The following WDR72 variants were observed in gnomAD, a reference collection of about 807,000 sequenced individuals.
WDR72 encodes the protein WD repeat domain 72.
WDR72 carries 120 observed loss-of-function variants against 124.2 expected under a neutral mutation model. The observed-to-expected ratio is 0.97, with a 90% CI of 0.83 to 1.12. The LOEUF is 1.12. WDR72 is among the 50% of genes most tolerant of loss of function. The pLI, the probability that WDR72 is intolerant of heterozygous loss-of-function variation, is 0.00. For synonymous variants in WDR72, 452 were observed against 441.7 expected, an observed-to-expected ratio of 1.02 and a Z score of -0.29; for missense variants, 1,387 against 1,278.8, an observed-to-expected ratio of 1.08 and a Z score of -1.29.
At chr15:53,641,610 G>A (rs529029893) in intron 14 of WDR72, among the ~76,000 whole-genome samples, 1 of 151,828 alleles carries the variant, frequency 6.6e-6, no homozygotes, top group African/African-American at 2.4e-5. Context: ...CTTGCTCTCT[G>A]GGACTATATC....
At chr15:53,684,931 C>CT (rs1429459246) in intron 13 of WDR72, among the ~76,000 whole-genome samples, 1 of 152,074 alleles carries the variant, frequency 6.6e-6, no homozygotes, top group African/African-American at 2.4e-5. Flanking sequence ...AACTGGGAGG[C>CT]ACCCCCCTAG....
At chr15:53,608,742 C>A (rs372524343) in intron 17 of WDR72, among the ~76,000 whole-genome samples, 2 of 87,964 alleles carry the variant, frequency 2.3e-5, no homozygotes, top group African/African-American at 8.1e-5. Context: ...GGTGACAGAG[C>A]GAGATCCTTT....
At chr15:53,683,407 G>T (rs1402170421) in intron 13 of WDR72, among the ~76,000 whole-genome samples, 1 of 152,068 alleles carries the variant, frequency 6.6e-6, no homozygotes, top group African/African-American at 2.4e-5. Flanking sequence ...ACCCTAACCT[G>T]ATCATTACAT....
Position 53,645,779 on chromosome 15 carries a change from C to A in WDR72, c.1962+19793G>T, listed in dbSNP as rs367858440. On this transcript the variant is annotated intron_variant, in intron 14 of 19. Coordinates refer to ENST00000360509, the MANE Select transcript of WDR72 (RefSeq NM_182758.4). ...AATGATTAAGCATCAGCTTTATATT[C>A]TTTAACCCATTTGTGTTAGTATGTC... 4.6e-5 allele frequency among the ~76,000 whole-genome samples: 7 copies of A among 152,194 alleles called. 1 individual carries two copies. The highest frequency in any genetic ancestry group is 1.4e-4 in the African/African-American group (6 of 41,556).
chr15:53,711,351 T>C lies in WDR72; in HGVS notation c.842A>G (p.Tyr281Cys), dbSNP rs1170825175. 3 of 1,614,064 alleles carry C rather than the reference T, an allele frequency of 1.9e-6. No homozygotes were observed. The African/African-American group carries it at 4.0e-5, about 22-fold the overall frequency. Reference sequence around the variant, plus strand: ...CTGAGCCCACCTGTTCAGCAGCTGATAGATGTAACTGTGACCATCTTCTGT... The same window carrying C: ...CTGAGCCCACCTGTTCAGCAGCTGACAGATGTAACTGTGACCATCTTCTGT... ...IWTEDGHSYI[Y>C]QLLNSGLSKS... Residue 281 changes from tyrosine (Y) to cysteine (C), a missense_variant, in exon 8 of 20, where the codon TAT (tyrosine) becomes TGT (cysteine). Transcript: ENST00000360509.
At chr15:53,636,066 C>T (rs796464215) in intron 14 of WDR72, among the ~76,000 whole-genome samples, 57 of 152,302 alleles carry the variant, frequency 3.7e-4, no homozygotes, top group African/African-American at 1.2e-3. Flanking sequence ...TGCTTCAGTG[C>T]ATCCACTGAT....
rs773526326 is a variant in WDR72, at chr15:53,613,734, T to C, written c.2804A>G (p.His935Arg). 2 of 1,608,854 alleles carry C rather than the reference T, an allele frequency of 1.2e-6. No homozygotes were observed. Among genetic ancestry groups the C allele is most frequent in the Non-Finnish European group, 1.7e-6 (2 of 1,176,330 alleles). The change falls in exon 16 of 20, where the codon CAT becomes CGT. Residue 935 changes from histidine to arginine, a missense_variant. By Grantham distance (29) the His-to-Arg change is conservative. Coordinates refer to ENST00000360509, the MANE Select transcript of WDR72 (RefSeq NM_182758.4). The stretch of plus-strand genomic sequence containing the variant: ...ATTCCCAGCACCTCTCATCTTATTA[T>C]GTATACTTTCCATTCTGAAAGAACT... Reference protein sequence around the residue: ...VGSSFRMESIHNKMRGAGNDI... With the variant: ...VGSSFRMESIRNKMRGAGNDI...
intron 15 of WDR72, among the ~76,000 whole-genome samples, chr15:53,614,301 C>T (rs1162331825): frequency 6.6e-6 from 1 of 152,038 alleles, no homozygotes; most frequent in Non-Finnish European, 1.5e-5. Context: ...ATTTCTCAAC[C>T]TTCACAACCA....
At chr15:53,751,500 T>C (rs757051729) in intron 1 of WDR72, among the ~76,000 whole-genome samples, 4 of 152,180 alleles carry the variant, frequency 2.6e-5, no homozygotes, top group African/African-American at 7.2e-5. Flanking sequence ...GATATTATAT[T>C]ATCGTATACT....
Position 53,556,855 on chromosome 15 carries a change from G to T in WDR72, c.3149-33533C>A, listed in dbSNP as rs531394119. On this transcript the variant is annotated intron_variant, in intron 18 of 19. Coordinates refer to ENST00000360509, the MANE Select transcript of WDR72 (RefSeq NM_182758.4). ...GCGCATGCTGAGTACATGTGGAAAG[G>T]TTACACACTCACTAATGTTATATAA... Among the ~76,000 whole-genome samples, 149 of 151,928 alleles carry T rather than the reference G, an allele frequency of 9.8e-4. 1 individual carries two copies. Among genetic ancestry groups the T allele is most frequent in the South Asian group, 2.1e-3 (10 of 4,822 alleles).
intron 18 of WDR72, among the ~76,000 whole-genome samples, chr15:53,536,754 T>G (rs1165066036): frequency 6.6e-6 from 1 of 152,180 alleles, no homozygotes; most frequent in Non-Finnish European, 1.5e-5. Context: ...GACAATTCAC[T>G]GAGAAATGTA....
At chr15:53,749,779 C>T (rs1360007759) in intron 1 of WDR72, among the ~76,000 whole-genome samples, 1 of 152,136 alleles carries the variant, frequency 6.6e-6, no homozygotes, top group Admixed American at 6.5e-5. Context: ...GAAACAATTG[C>T]TGATATGGAG....
intron 2 of WDR72, among the ~76,000 whole-genome samples, chr15:53,732,077 A>C (rs1309924727): frequency 6.6e-6 from 1 of 152,206 alleles, no homozygotes; most frequent in Non-Finnish European, 1.5e-5. Flanking sequence ...CACTATTTTT[A>C]AAGCACAACT....
Position 53,733,085 on chromosome 15 carries a change from G to A in WDR72, c.65C>T (p.Ala22Val). ...TCGCTGGTCATCAGTGATCATGATG[G>A]CAGTGATGCTGTGGGGAGGGGCCTT... Reference protein sequence around the residue: ...GQKAPPHSITAIMITDDQRTI... With the variant: ...GQKAPPHSITVIMITDDQRTI... The change falls in exon 2 of 20, where the codon GCC becomes GTC. Residue 22 changes from alanine (A) to valine (V), a missense_variant. Ala to Val is a moderately conservative substitution (Grantham distance 64, BLOSUM62 0). Coordinates refer to ENST00000360509, the MANE Select transcript of WDR72 (RefSeq NM_182758.4). The A allele has an allele frequency of 6.2e-7, 1 of 1,614,002 alleles. No homozygotes were observed. Among genetic ancestry groups the A allele is most frequent in the Non-Finnish European group, 8.5e-7 (1 of 1,179,920 alleles).
chr15:53,624,666 CA>C (rs763592224), intron 14 of WDR72, among the ~76,000 whole-genome samples: 18 of 152,090 alleles, frequency 1.2e-4, no homozygotes, highest in Non-Finnish European at 2.5e-4. Flanking sequence ...AATGTTATTC[CA>C]AATTTAATTA....
intron 14 of WDR72, among the ~76,000 whole-genome samples, chr15:53,635,099 G>C (rs2014576072): frequency 6.6e-6 from 1 of 152,176 alleles, no homozygotes; most frequent in African/African-American, 2.4e-5. Flanking sequence ...CGATCTTTCA[G>C]AAATAATGCT....
At chr15:53,629,719 G>A (rs1566992888) in intron 14 of WDR72, among the ~76,000 whole-genome samples, 1 of 152,026 alleles carries the variant, frequency 6.6e-6, no homozygotes, top group East Asian at 1.9e-4. Flanking sequence ...AACAGTGAGT[G>A]TCCTAGCATT....
At chr15:53,682,274 A>G (rs941720844) in intron 13 of WDR72, among the ~76,000 whole-genome samples, 2 of 152,174 alleles carry the variant, frequency 1.3e-5, no homozygotes, top group Non-Finnish European at 2.9e-5. Flanking sequence ...ATCCATGTTC[A>G]CCACATGGAA....
chr15:53,652,227 T>C (rs1031167835), intron 14 of WDR72: 1 of 152,080 alleles, frequency 6.6e-6, no homozygotes, highest in African/African-American at 2.4e-5. Flanking sequence ...AGCCTTGTCA[T>C]GGGAATCTAA....
Sources: allele counts gnomAD v4.1 joint callset (sites outside exome capture counted in the v4.1 genomes callset), GRCh38; gene constraint gnomAD v4.1.1; transcripts MANE v1.5; gene names NCBI Gene and HGNC (gene_info 2026-07-23, HGNC 2026-07-21).